ZGRF1: variants seen among roughly 807,000 people sequenced by gnomAD.
ZGRF1 encodes the protein zinc finger GRF-type containing 1, also known as 5'-3' DNA helicase ZGRF1.
ZGRF1 carries 196 observed loss-of-function variants against 203.5 expected under a neutral mutation model. The observed-to-expected ratio is 0.96, with a 90% confidence interval of 0.86 to 1.08. The LOEUF is 1.08. ZGRF1 is among the 50% of genes least tolerant of loss of function. ZGRF1 has a pLI of 0.00. For synonymous variants in ZGRF1, 809 were observed against 841.3 expected, an observed-to-expected ratio of 0.96 and a Z score of 0.66; for missense variants, 2,326 against 2,416.3, an observed-to-expected ratio of 0.96 and a Z score of 0.78.
rs542798884 is a variant in ZGRF1, at chr4:112,584,170, C to T, written c.4106G>A (p.Arg1369His). 202 of 1,577,860 alleles carry T rather than the reference C, an allele frequency of 1.3e-4. No homozygotes were observed. In the East Asian group the frequency reaches 3.1e-3, roughly 24 times the overall value. ...MVKKEGPNKG[R>H]LFYTCDGPKA... ...GGGTCCATCACATGTATAAAAGAGA[C>T]GACCCTAAGGGGAAAGAAAAAAGAT... The change falls in exon 15 of 28, where the codon CGT (arginine) becomes CAT (histidine). Residue 1369 changes from arginine to histidine, a missense_variant. Physicochemically the swap from Arg to His is conservative, Grantham distance 29. Transcript: ENST00000505019.
chr4:112,629,952 G>A (rs531703246), intron 3 of ZGRF1: 50 of 334,046 alleles, frequency 1.5e-4, no homozygotes, highest in African/African-American at 1.0e-3. Flanking sequence ...CTTGGATGCA[G>A]AGGTTGTAGT....
chr4:112,606,644 C>T (rs561906287), intron 8 of ZGRF1, among the ~76,000 whole-genome samples: 1 of 139,416 alleles, frequency 7.2e-6, no homozygotes, highest in East Asian at 2.0e-4. Flanking sequence ...GCCAACAAAG[C>T]AAAACTCCGT....
chr4:112,553,853 A>T lies in ZGRF1; in HGVS notation c.5328T>A (p.Asn1776Lys). 1 of 1,611,422 alleles carries T rather than the reference A, an allele frequency of 6.2e-7. No individual in the cohort carries two copies. The highest frequency in any genetic ancestry group is 8.5e-7 in the Non-Finnish European group (1 of 1,179,300). The change falls in exon 22 of 28, where the codon AAT becomes AAA. Residue 1776 changes from asparagine (N) to lysine (K), a missense_variant. By Grantham distance (94) the Asn-to-Lys change is moderately conservative (BLOSUM62 0). Transcript: ENST00000505019. ...KSIEQHKLGT[N>K]RTLLKQVRVV... ...TTCTTACCTGCTTCAGCAGGGTTCT[A>T]TTGGTCCCCAGTTTATGCTGCTCAA... is the stretch of plus-strand genomic sequence containing the variant.
chr4:112,589,649 G>T, intron 11 of ZGRF1, 75 bp downstream of exon 11: 1 of 1,272,682 alleles, frequency 7.9e-7, no homozygotes, highest in Non-Finnish European at 1.1e-6. Flanking sequence ...GATATATTTA[G>T]TGTAATAATC....
At chr4:112,621,172 G>A (rs375107425) in intron 4 of ZGRF1, among the ~76,000 whole-genome samples, 1 of 152,068 alleles carries the variant, frequency 6.6e-6, no homozygotes, top group Non-Finnish European at 1.5e-5. Context: ...ATACAACTAA[G>A]TGTAACTTTT....
chr4:112,597,271 A>G lies in ZGRF1; in HGVS notation c.2976+6253T>C, dbSNP rs562588971. The stretch of plus-strand genomic sequence containing the variant: ...GTCAGGCACTGTGCTCACACCTATA[A>G]TCCCAGCACTTTGGGAGGCTGAGGC... On this transcript the variant is annotated intron_variant, in intron 10 of 27. Transcript: ENST00000505019. 5.3e-5 allele frequency among the ~76,000 whole-genome samples: 8 copies of G among 151,576 alleles called. No homozygotes were observed. The South Asian group carries it at 1.7e-3, about 32-fold the overall frequency.
At chr4:112,624,435 C>T (rs1209475427) in intron 3 of ZGRF1, among the ~76,000 whole-genome samples, 1 of 150,546 alleles carries the variant, frequency 6.6e-6, no homozygotes, top group Non-Finnish European at 1.5e-5. Context: ...CCAGCCTAGG[C>T]AACAGAGTGA....
intron 7 of ZGRF1, among the ~76,000 whole-genome samples, chr4:112,612,275 T>C (rs977005495): frequency 6.6e-6 from 1 of 152,218 alleles, no homozygotes; most frequent in Admixed American, 6.5e-5. Flanking sequence ...CATGTAACTG[T>C]GTTTTTTAAC....
At chr4:112,572,848 G>A (rs745896535) in intron 16 of ZGRF1, among the ~76,000 whole-genome samples, 4 of 151,950 alleles carry the variant, frequency 2.6e-5, no homozygotes, top group Non-Finnish European at 5.9e-5. Flanking sequence ...AAAACCACAA[G>A]GCAATACTGC....
chr4:112,543,109 C>T (rs1427550148), intron 24 of ZGRF1, among the ~76,000 whole-genome samples: 1 of 152,082 alleles, frequency 6.6e-6, no homozygotes, highest in African/African-American at 2.4e-5. Context: ...AGCAAAGAAA[C>T]AATATTATAT....
intron 16 of ZGRF1, among the ~76,000 whole-genome samples, chr4:112,576,239 A>C (rs1266449891): frequency 6.6e-6 from 1 of 152,214 alleles, no homozygotes; most frequent in Non-Finnish European, 1.5e-5. Context: ...AGGGAAAATT[A>C]ACAAACAGAA....
chr4:112,562,321 C>T (rs1243400940), intron 18 of ZGRF1, 50 bp downstream of exon 18: 2 of 947,924 alleles, frequency 2.1e-6, no homozygotes, highest in East Asian at 2.6e-5. Flanking sequence ...ATATTTACTT[C>T]TGATTACCAT....
intron 10 of ZGRF1, among the ~76,000 whole-genome samples, chr4:112,602,050 C>T (rs1170853017): frequency 1.3e-5 from 2 of 151,930 alleles, no homozygotes; most frequent in East Asian, 3.9e-4. Context: ...ACTAAAAATA[C>T]AAATTAGCTG....
At chr4:112,586,208 C>G (rs1318018106) in intron 13 of ZGRF1, among the ~76,000 whole-genome samples, 1 of 151,418 alleles carries the variant, frequency 6.6e-6, no homozygotes, top group Non-Finnish European at 1.5e-5. Flanking sequence ...CCACTGCACT[C>G]CAGCCTGGGC....
chr4:112,561,720 A>G lies in ZGRF1; in HGVS notation c.4697+651T>C, dbSNP rs371028524. ...GAATAAAATCAGTAGCAATATACAC[A>G]CTGGATTCCAGCTGTAAAATGATTC... On this transcript the variant is annotated intron_variant, in intron 18 of 27. Transcript: ENST00000505019. Among the ~76,000 whole-genome samples, 38 of 152,240 alleles carry G rather than the reference A, an allele frequency of 2.5e-4. No individual in the cohort carries two copies. The East Asian group carries it at 5.2e-3, about 21-fold the overall frequency.
intron 16 of ZGRF1, among the ~76,000 whole-genome samples, chr4:112,573,073 T>C (rs569550838): frequency 5.8e-4 from 88 of 151,788 alleles, no homozygotes; most frequent in Non-Finnish European, 7.5e-4. Flanking sequence ...ACAAAAAAGA[T>C]ACTTACACGT....
chr4:112,554,104 C>T lies in ZGRF1; in HGVS notation c.5199-122G>A, dbSNP rs987308562. 9 of 816,510 alleles carry T rather than the reference C, an allele frequency of 1.1e-5. No individual in the cohort carries two copies. The Admixed American group carries it at 2.5e-4, about 22-fold the overall frequency. 50.6% of individuals were successfully genotyped at this position (816,510 alleles called of 1,614,324 possible). A position where few individuals can be genotyped will look rare whatever the true frequency, so the allele number is the denominator to read the frequency against. On this transcript the variant is annotated intron_variant, in intron 21 of 27. Transcript: ENST00000505019. ...TTTTAGGGTACATGTGCACAATGTGCAGGTTTGTTACATATGTATACATGT... is the reference window on the plus strand; with the variant it reads ...TTTTAGGGTACATGTGCACAATGTGTAGGTTTGTTACATATGTATACATGT...
At chr4:112,566,111 A>G (rs202217573) in intron 16 of ZGRF1, among the ~76,000 whole-genome samples, 7 of 152,066 alleles carry the variant, frequency 4.6e-5, no homozygotes, top group Non-Finnish European at 1.0e-4. Flanking sequence ...GTCCAACAAT[A>G]ATAGACTGGA....
At chr4:112,633,278 T>C in intron 1 of ZGRF1, 36 bp from the exon 2 acceptor site, 1 of 953,854 alleles carries the variant, frequency 1.0e-6, no homozygotes, top group Non-Finnish European at 1.6e-6. Context: ...TCAACCCTGA[T>C]TTTTAAAAAA....
Sources: allele counts gnomAD v4.1 joint callset (sites outside exome capture counted in the v4.1 genomes callset), GRCh38; gene constraint gnomAD v4.1.1; transcripts MANE v1.5; gene names NCBI Gene and HGNC (gene_info 2026-07-23, HGNC 2026-07-21).